Variants in DORIP1 observed in about 807,000 individuals in gnomAD.
DORIP1 encodes the protein dopamine receptor-interacting protein 1.
At chr14:44,903,224 C>G in the DORIP1 span, 1 of 1,612,206 alleles carries the variant, frequency 6.2e-7, no homozygotes, top group East Asian at 2.2e-5. Flanking sequence ...CAAGAAATTC[C>G]ACATGGAAAC....
the DORIP1 span, among the ~76,000 whole-genome samples, chr14:44,902,808 G>A: frequency 6.6e-6 from 1 of 151,756 alleles, no homozygotes; most frequent in South Asian, 2.1e-4. Flanking sequence ...TAGAAAAAAA[G>A]TTTTTTTTAA....
chr14:44,901,023 G>T, the DORIP1 span: 44 of 1,480,388 alleles, frequency 3.0e-5, no homozygotes, highest in Non-Finnish European at 3.8e-5. Context: ...CTTTAGATAT[G>T]TAGTCGTGTA....
the DORIP1 span, chr14:44,905,325 A>G: frequency 7.8e-7 from 1 of 1,277,910 alleles, no homozygotes; most frequent in Admixed American, 2.2e-5. Flanking sequence ...TATCTTAACA[A>G]AGTATTAAAT....
At chr14:44,905,601 A>C in the DORIP1 span, 1 of 1,286,522 alleles carries the variant, frequency 7.8e-7, no homozygotes, top group Non-Finnish European at 1.0e-6. Flanking sequence ...GCTCTCCCAG[A>C]TGAAGGGCTT....
chr14:44,904,583 G>A, the DORIP1 span: 3 of 1,478,708 alleles, frequency 2.0e-6, no homozygotes, highest in African/African-American at 2.9e-5. Context: ...AATTTATCCT[G>A]TTATATTATG....
the DORIP1 span, chr14:44,905,600 G>A: frequency 2.3e-6 from 3 of 1,289,176 alleles, no homozygotes; most frequent in Non-Finnish European, 3.1e-6. Flanking sequence ...TGCTCTCCCA[G>A]ATGAAGGGCT....
chr14:44,897,955 C>T, the DORIP1 span, among the ~76,000 whole-genome samples: 1 of 152,166 alleles, frequency 6.6e-6, no homozygotes, highest in African/African-American at 2.4e-5. Context: ...GGGAGTCTGG[C>T]GTTCAATGCC....
the DORIP1 span, among the ~76,000 whole-genome samples, chr14:44,898,110 C>T: frequency 6.6e-6 from 1 of 152,136 alleles, no homozygotes; most frequent in Non-Finnish European, 1.5e-5. Context: ...CCCGTAGAGC[C>T]TGGAGAATAA....
chr14:44,900,521 G>T, the DORIP1 span: 1 of 1,596,948 alleles, frequency 6.3e-7, no homozygotes, highest in Non-Finnish European at 8.5e-7. Flanking sequence ...GTTCTTCCTT[G>T]GGGGGGTGTT....
chr14:44,904,028 C>A, the DORIP1 span: 1 of 983,882 alleles, frequency 1.0e-6, no homozygotes, highest in African/African-American at 1.7e-5. Flanking sequence ...AGTCTAATGG[C>A]AAAAGGAAGC....
the DORIP1 span, chr14:44,905,758 T>G: frequency 3.0e-6 from 1 of 330,282 alleles, no homozygotes; most frequent in Non-Finnish European, 5.4e-6. Flanking sequence ...CCTGAGTTAT[T>G]TTTATATGAG....
chr14:44,898,312 C>T, the DORIP1 span, among the ~76,000 whole-genome samples: 1 of 152,010 alleles, frequency 6.6e-6, no homozygotes, highest in Non-Finnish European at 1.5e-5. Flanking sequence ...TCCAAACCTT[C>T]CCTCCTCCCG....
At chr14:44,900,277 G>A in the DORIP1 span, 50 of 577,136 alleles carry the variant, frequency 8.7e-5, no homozygotes, top group Admixed American at 3.9e-4. Context: ...CATAGTGCGC[G>A]AAAAGTGGCT....
chr14:44,906,974 T>C, the DORIP1 span: 1 of 152,328 alleles, frequency 6.6e-6, no homozygotes, highest in Non-Finnish European at 1.5e-5. Context: ...TGTATCTGAT[T>C]AGGATTTAAT....
chr14:44,905,909 C>G, the DORIP1 span: 1 of 153,854 alleles, frequency 6.5e-6, no homozygotes, highest in Non-Finnish European at 1.4e-5. Flanking sequence ...TTTGGATATT[C>G]GAGTAAAACC....
At chr14:44,897,972 A>G in the DORIP1 span, among the ~76,000 whole-genome samples, 1 of 152,188 alleles carries the variant, frequency 6.6e-6, no homozygotes, top group African/African-American at 2.4e-5. Context: ...TGCCTTGGGC[A>G]TGTGGTGGGG....
chr14:44,904,453 G>C, the DORIP1 span: 2 of 1,611,680 alleles, frequency 1.2e-6, no homozygotes, highest in African/African-American at 1.3e-5. Flanking sequence ...ACCCCCTTTT[G>C]TTGTCTTAAA....
the DORIP1 span, chr14:44,905,692 G>A: frequency 1.5e-5 from 8 of 526,338 alleles, no homozygotes; most frequent in Non-Finnish European, 2.5e-5. Flanking sequence ...TTTAACCCCA[G>A]GTAAATGTTT....
the DORIP1 span, chr14:44,903,215 A>C: frequency 6.2e-7 from 1 of 1,610,570 alleles, no homozygotes; most frequent in Non-Finnish European, 8.5e-7. Context: ...AGTCCTCCCC[A>C]AGAAATTCCA....
Sources: gnomAD v4.1 joint callset for allele counts (sites outside exome capture counted in the v4.1 genomes callset) on GRCh38, gnomAD v4.1.1 for gene constraint, MANE v1.5 for transcripts, NCBI Gene and HGNC (gene_info 2026-07-23, HGNC 2026-07-21) for gene names.